PDXDC1: variants seen among roughly 807,000 people sequenced by gnomAD.
PDXDC1 encodes pyridoxal dependent decarboxylase domain containing 1.
A neutral mutation model predicts 100.1 loss-of-function variants in PDXDC1; 42 were observed. The ratio of observed to expected loss-of-function variants is 0.42; its 90% CI spans 0.33 to 0.54. The LOEUF (loss-of-function observed/expected upper bound fraction) is 0.54. PDXDC1 is among the 20% of genes least tolerant of loss of function. The probability of loss-of-function intolerance (pLI) is 0.10; values close to 1 mark genes in which losing one functional copy is unlikely to be tolerated. For missense variants in PDXDC1, 636 were observed against 979.2 expected (o/e 0.65, Z 4.68); for synonymous variants, 260 against 371.7 (o/e 0.70, Z 3.46).
At chr16:15,122,165 A>AAAAC (rs1000205622) in intron 16 of PDXDC1, among the ~76,000 whole-genome samples, 3 of 151,972 alleles carry the variant, frequency 2.0e-5, no homozygotes, top group African/African-American at 7.3e-5. Context: ...CTCTGTCTAA[A>AAAAC]AAACAAACAA....
intron 16 of PDXDC1, among the ~76,000 whole-genome samples, chr16:15,091,664 A>G (rs191520207): frequency 6.6e-6 from 1 of 152,368 alleles, no homozygotes; most frequent in African/African-American, 2.4e-5. Flanking sequence ...GAGGGAAAAA[A>G]ACAGCCAGCT....
At chr16:15,132,574 C>T in intron 16 of PDXDC1, 2 of 660,488 alleles carry the variant, frequency 3.0e-6, no homozygotes, top group South Asian at 1.7e-5. Context: ...GCTACTGAAG[C>T]AGGTCAGAGA....
intron 16 of PDXDC1, chr16:15,074,538 T>C (rs899503925): frequency 1.3e-5 from 6 of 467,598 alleles, no homozygotes; most frequent in African/African-American, 1.2e-4. Context: ...TCAGCCAGAA[T>C]CCCAGTCCCA....
intron 8 of PDXDC1, 108 bp downstream of exon 8, chr16:15,009,867 A>G: frequency 6.3e-7 from 1 of 1,577,444 alleles, no homozygotes; most frequent in East Asian, 2.3e-5. Flanking sequence ...CCACATGTTT[A>G]AGATAGTCCA....
intron 8 of PDXDC1, among the ~76,000 whole-genome samples, chr16:15,011,094 A>G (rs1448360152): frequency 2.6e-5 from 4 of 152,298 alleles, no homozygotes; most frequent in African/African-American, 4.8e-5. Flanking sequence ...TAAAGTTTAT[A>G]TAGAAATACA....
downstream of PDXDC1, chr16:15,040,394 G>T: frequency 3.4e-6 from 1 of 290,122 alleles, no homozygotes; most frequent in Non-Finnish European, 6.3e-6. Context: ...AGGGGTGGCT[G>T]GGTGAACTGT....
intron 16 of PDXDC1, among the ~76,000 whole-genome samples, chr16:15,062,249 A>C (rs952492084): frequency 1.3e-5 from 2 of 152,222 alleles, no homozygotes; most frequent in Admixed American, 1.3e-4. Flanking sequence ...ATTTGTTTCA[A>C]GTCTGACTTG....
chr16:15,143,646 C>T (rs1267647323), downstream of PDXDC1, among the ~76,000 whole-genome samples: 1 of 152,216 alleles, frequency 6.6e-6, no homozygotes, highest in Non-Finnish European at 1.5e-5. Flanking sequence ...GGCCTTCTGC[C>T]CCACAGGCGC....
At chr16:15,073,832 T>C (rs982024634) in intron 16 of PDXDC1, among the ~76,000 whole-genome samples, 2 of 152,148 alleles carry the variant, frequency 1.3e-5, no homozygotes, top group African/African-American at 4.8e-5. Context: ...TTGCCCAGGA[T>C]AGTTAGTCTT....
downstream of PDXDC1, among the ~76,000 whole-genome samples, chr16:15,142,773 C>A (rs965586674): frequency 6.6e-6 from 1 of 151,844 alleles, no homozygotes; most frequent in African/African-American, 2.4e-5. Flanking sequence ...CCTCTGCACC[C>A]GCCAGGTGAC....
Position 15,100,936 on chromosome 16 carries a change from T to C in PDXDC1, c.1400-37943T>C, listed in dbSNP as rs140797113. ...AGGAGGTCGAGACTGCAGTGAGCTA[T>C]GATCTCCCCACTGCATCCTGCAACA... On this transcript the variant is annotated intron_variant, in intron 16 of 16. Coordinates refer to the PDXDC1 transcript ENST00000535621. 1.2e-4 allele frequency among the ~76,000 whole-genome samples: 18 copies of C among 152,296 alleles called. No individual in the cohort carries two copies. In the East Asian group the frequency reaches 2.7e-3, roughly 23 times the overall value.
chr16:15,049,029 GA>G, intron 16 of PDXDC1, among the ~76,000 whole-genome samples: 1 of 145,864 alleles, frequency 6.9e-6, no homozygotes, highest in African/African-American at 2.6e-5. Context: ...AAAGTGCTGG[GA>G]GTACAGGCAC....
At chr16:15,032,182 A>G (rs992075355) in intron 17 of PDXDC1, 17 of 473,184 alleles carry the variant, frequency 3.6e-5, no homozygotes, top group Non-Finnish European at 6.5e-5. Flanking sequence ...TATATCACTC[A>G]CTGAGAATGG....
chr16:15,000,948 CTTATATA>C (rs1425272543), intron 3 of PDXDC1, among the ~76,000 whole-genome samples: 4 of 149,428 alleles, frequency 2.7e-5, no homozygotes, highest in Admixed American at 6.7e-5. Flanking sequence ...ATATAATACA[CTTATATA>C]TTATAAGTAC....
chr16:15,141,222 C>T (rs1399022206), downstream of PDXDC1, among the ~76,000 whole-genome samples: 8 of 152,218 alleles, frequency 5.3e-5, no homozygotes, highest in South Asian at 1.2e-3. Context: ...GCCTACCCGG[C>T]GCAGGAGAGA....
intron 1 of PDXDC1, among the ~76,000 whole-genome samples, chr16:14,976,556 C>T (rs1373421361): frequency 6.6e-6 from 1 of 152,284 alleles, no homozygotes; most frequent in African/African-American, 2.4e-5. Flanking sequence ...AAAGTCTTTC[C>T]GGTCGTCTGA....
intron 1 of PDXDC1, among the ~76,000 whole-genome samples, chr16:14,994,083 G>T (rs1202579932): frequency 1.3e-5 from 2 of 152,292 alleles, no homozygotes; most frequent in East Asian, 1.9e-4. Flanking sequence ...CTCCCATTCT[G>T]TAGATTGCCT....
intron 16 of PDXDC1, among the ~76,000 whole-genome samples, chr16:15,102,635 G>T (rs1386745232): frequency 6.6e-6 from 1 of 150,998 alleles, no homozygotes; most frequent in Non-Finnish European, 1.5e-5. Context: ...CATTACCCAA[G>T]ACGGGGATTT....
chr16:15,035,483 C>T lies in PDXDC1; in HGVS notation c.2037C>T (p.Tyr679=), dbSNP rs1439444626. Residue 679 remains tyrosine (Y), a synonymous_variant, in exon 22 of 23, where the codon TAC becomes TAT. Coordinates refer to ENST00000396410, the MANE Select transcript of PDXDC1 (RefSeq NM_015027.4). ...AGTCCACAGAACCCATATATGTCTACAAAGCACAAGGTGCAGGAGTCACGC... is the reference window on the plus strand; with the variant it reads ...AGTCCACAGAACCCATATATGTCTATAAAGCACAAGGTGCAGGAGTCACGC... ...SLESTEPIYV[Y]KAQGAGVTLP... 1.9e-6 allele frequency: 3 copies of T among 1,611,890 alleles called. No individual in the cohort carries two copies. In the African/African-American group the frequency reaches 4.0e-5, roughly 22 times the overall value.
Sources: allele counts gnomAD v4.1 joint callset (sites outside exome capture counted in the v4.1 genomes callset), GRCh38; gene constraint gnomAD v4.1.1; transcripts MANE v1.5; gene names NCBI Gene and HGNC (gene_info 2026-07-23, HGNC 2026-07-21).